The following PPM1B variants were observed in gnomAD, a reference collection of about 807,000 sequenced individuals.
PPM1B encodes the protein protein phosphatase 1B.
PPM1B carries 22 observed loss-of-function variants against 43.0 expected under a neutral mutation model. That is an observed-to-expected ratio of 0.51 (90% CI 0.37 to 0.73). The LOEUF (loss-of-function observed/expected upper bound fraction) is 0.73, where lower values mean the gene tolerates loss of function less well. Ranked by LOEUF, PPM1B falls within the 30% of genes least tolerant of loss-of-function variation. The pLI is 0.00. For synonymous variants in PPM1B, 217 were observed against 197.9 expected (o/e 1.10, Z -0.81); for missense variants, 632 against 584.2 (o/e 1.08, Z -0.84).
At chr2:44,205,640 A>C (rs1259331605) in intron 2 of PPM1B, among the ~76,000 whole-genome samples, 2 of 152,126 alleles carry the variant, frequency 1.3e-5, no homozygotes, top group African/African-American at 4.8e-5. Flanking sequence ...ATTTTATAGA[A>C]AAAGATCATG....
At chr2:44,206,269 A>T (rs1361012601) in intron 2 of PPM1B, among the ~76,000 whole-genome samples, 1 of 152,248 alleles carries the variant, frequency 6.6e-6, no homozygotes, top group Non-Finnish European at 1.5e-5. Context: ...AAAACTTTAT[A>T]CTGATTATAC....
rs201665853 is a variant in PPM1B, at chr2:44,192,195, T to G, written c.-14-8991T>G. Among the ~76,000 whole-genome samples the G allele has an allele frequency of 5.7e-3, 594 of 103,894 alleles. 3 individuals carry two copies. Among genetic ancestry groups the G allele is most frequent in the African/African-American group, 0.021 (551 of 26,324 alleles). The allele number at this position is 103,894 out of a possible 152,430, so 68.2% of individuals were successfully genotyped here. A position where few individuals can be genotyped will look rare whatever the true frequency, so the allele number is the denominator to read the frequency against. On this transcript the variant is annotated intron_variant, in intron 1 of 5. Transcript: ENST00000282412. ...GTTATGTTATGTTATGTTATGGTAT[T>G]GTATTGTATTGTATTGTATTGTATT...
downstream of PPM1B, among the ~76,000 whole-genome samples, chr2:44,239,227 T>A (rs940433749): frequency 2.0e-5 from 3 of 149,114 alleles, no homozygotes; most frequent in Non-Finnish European, 4.5e-5. Context: ...CATGAAATAG[T>A]ATATAATTTG....
At chr2:44,188,393 CTTTTTTTTTT>C (rs67959948) in intron 1 of PPM1B, among the ~76,000 whole-genome samples, 1 of 92,316 alleles carries the variant, frequency 1.1e-5, no homozygotes, top group Non-Finnish European at 2.1e-5. Context: ...TTCTTTCTTT[CTTTTTTTTTT>C]TTTTTTTTTT....
At chr2:44,240,587 AT>A (rs1422174972) in intron 5 of PPM1B, among the ~76,000 whole-genome samples, 1 of 142,298 alleles carries the variant, frequency 7.0e-6, no homozygotes, top group African/African-American at 2.6e-5. Flanking sequence ...TTAAAAAAAA[AT>A]TTATCTTGAT....
In PPM1B at chr2:44,240,911, T is replaced by C. The variant is rs572069697; in HGVS notation, n.1547-3317T>C. On this transcript the variant is annotated intron_variant and non_coding_transcript_variant, in intron 5 of 5. Coordinates refer to the PPM1B transcript ENST00000378540. ...CATGATGCTGAGAGAAAGCAAGTTA[T>C]AAGGGGATGTCTTGTATGTAAATTT... Among the ~76,000 whole-genome samples, 17 of 146,492 alleles carry C rather than the reference T, an allele frequency of 1.2e-4. 2 individuals carry two copies. Among genetic ancestry groups the C allele is most frequent in the Non-Finnish European group, 2.1e-4 (14 of 65,508 alleles).
chr2:44,226,703 A>C (rs930031620), intron 5 of PPM1B, among the ~76,000 whole-genome samples: 9 of 137,304 alleles, frequency 6.6e-5, no homozygotes, highest in Non-Finnish European at 1.4e-4. Flanking sequence ...AATGTCCTGT[A>C]ATTTTTTTTT....
At chr2:44,184,255 G>A (rs201067061) in intron 1 of PPM1B, among the ~76,000 whole-genome samples, 2 of 152,184 alleles carry the variant, frequency 1.3e-5, no homozygotes, top group Non-Finnish European at 2.9e-5. Context: ...TGTTCTTTTT[G>A]ATAGGACATT....
At chr2:44,205,033 G>A (rs1053819133) in intron 2 of PPM1B, among the ~76,000 whole-genome samples, 1 of 152,076 alleles carries the variant, frequency 6.6e-6, no homozygotes, top group East Asian at 1.9e-4. Flanking sequence ...TGCAATGCTG[G>A]CATTTATGGT....
downstream of PPM1B, chr2:44,234,527 A>G (rs539842193): frequency 5.9e-5 from 57 of 973,610 alleles, no homozygotes; most frequent in African/African-American, 8.4e-4. Flanking sequence ...CAAAAAAAAA[A>G]AAAAAGAAAA....
chr2:44,188,713 G>GCTTTCCTTCCTTCCTTCCTT (rs1668247983), intron 1 of PPM1B, among the ~76,000 whole-genome samples: 1 of 148,632 alleles, frequency 6.7e-6, no homozygotes, highest in South Asian at 2.1e-4. Flanking sequence ...CTGCCTGCCT[G>GCTTTCCTTCCTTCCTTCCTT]CTTTCCTTCC....
At position 44,210,285 on chromosome 2, in the gene PPM1B, C is replaced by T. The variant is rs1396411015; in HGVS notation, c.964+958C>T. ...AGGCTGGAGTACAGTGGCATGATCTCGGCTCACTACAGCCTCAACTCCCTG... is the reference window on the plus strand; with the variant it reads ...AGGCTGGAGTACAGTGGCATGATCTTGGCTCACTACAGCCTCAACTCCCTG... On this transcript the variant is annotated intron_variant, in intron 3 of 5. Coordinates refer to ENST00000282412, the MANE Select transcript of PPM1B (RefSeq NM_002706.6). Among the ~76,000 whole-genome samples the T allele has an allele frequency of 2.2e-4, 33 of 148,522 alleles. 1 individual carries two copies. In the Admixed American group the frequency reaches 2.2e-3, roughly 10 times the overall value.
chr2:44,174,581 C>T (rs577780179), intron 1 of PPM1B, among the ~76,000 whole-genome samples: 3 of 152,244 alleles, frequency 2.0e-5, no homozygotes, highest in East Asian at 1.9e-4. Context: ...TAGATTCAAA[C>T]GTATAATATA....
At chr2:44,243,272 T>A (rs1670789687) in intron 5 of PPM1B, among the ~76,000 whole-genome samples, 2 of 152,220 alleles carry the variant, frequency 1.3e-5, no homozygotes, top group Admixed American at 6.5e-5. Flanking sequence ...TATACACTTT[T>A]AAATCAAATA....
At chr2:44,180,632 A>G (rs1667829835) in intron 1 of PPM1B, among the ~76,000 whole-genome samples, 1 of 151,252 alleles carries the variant, frequency 6.6e-6, no homozygotes, top group African/African-American at 2.4e-5. Flanking sequence ...TTTTTTTGAG[A>G]TGGTGTCTCA....
At chr2:44,207,302 G>A (rs898441859) in intron 2 of PPM1B, among the ~76,000 whole-genome samples, 1 of 152,144 alleles carries the variant, frequency 6.6e-6, no homozygotes, top group Non-Finnish European at 1.5e-5. Flanking sequence ...CATAATAACT[G>A]AAAAGACTAG....
At chr2:44,212,288 A>G (rs1334847618) in intron 3 of PPM1B, among the ~76,000 whole-genome samples, 2 of 152,156 alleles carry the variant, frequency 1.3e-5, no homozygotes, top group African/African-American at 2.4e-5. Context: ...ACTCTCTTCT[A>G]CAGAAAGAAA....
intron 1 of PPM1B, among the ~76,000 whole-genome samples, chr2:44,186,572 A>T (rs571285109): frequency 6.6e-6 from 1 of 151,976 alleles, no homozygotes. Flanking sequence ...ACAGGGTCTC[A>T]CTATGTTGCC....
Position 44,209,252 on chromosome 2 carries a change from A to G in PPM1B, c.889A>G (p.Asn297Asp). 6.2e-7 allele frequency: 1 copy of G among 1,613,860 alleles called. No individual in the cohort carries two copies. The highest frequency in any genetic ancestry group is 8.5e-7 in the Non-Finnish European group (1 of 1,179,838). ...GAGTATTGTACTAGTTTGCTTTTCAAATGCTCCCAAGGTCTCAGATGAAGC... is the reference window on the plus strand; with the variant it reads ...GAGTATTGTACTAGTTTGCTTTTCAGATGCTCCCAAGGTCTCAGATGAAGC... ...NMSIVLVCFSNAPKVSDEAVK... is the reference protein window; with the variant it reads ...NMSIVLVCFSDAPKVSDEAVK... The change falls in exon 3 of 6, where the codon AAT becomes GAT. Residue 297 changes from asparagine (N) to aspartate (D), a missense_variant. Asn to Asp is a conservative substitution (Grantham distance 23, BLOSUM62 1). Transcript: ENST00000282412.
Sources: allele counts gnomAD v4.1 joint callset (sites outside exome capture counted in the v4.1 genomes callset), GRCh38; gene constraint gnomAD v4.1.1; transcripts MANE v1.5; gene names NCBI Gene and HGNC (gene_info 2026-07-23, HGNC 2026-07-21).